Variants in HTR1E observed in about 807,000 individuals in gnomAD.
HTR1E encodes 5-HT-1E.
Under a neutral mutation model 3.4 loss-of-function variants are expected in HTR1E, and 3 were observed. That is an observed-to-expected ratio of 0.89 (90% confidence interval 0.41 to 2.31). The LOEUF (loss-of-function observed/expected upper bound fraction) is 2.31, where lower values mean the gene tolerates loss of function less well. Ranked by LOEUF, HTR1E falls within the 30% of genes most tolerant of loss-of-function variation. HTR1E has a pLI of 0.05. For missense variants in HTR1E, 392 were observed against 467.0 expected (o/e 0.84, Z 1.48); for synonymous variants, 170 against 182.8 (o/e 0.93, Z 0.56).
chr6:86,943,845 A>G (rs1404750739), intron 1 of HTR1E, among the ~76,000 whole-genome samples: 1 of 152,242 alleles, frequency 6.6e-6, no homozygotes, highest in Non-Finnish European at 1.5e-5. Flanking sequence ...GCTTAAAGCA[A>G]CAGATTTTTA....
chr6:86,941,076 T>C (rs999308705), intron 1 of HTR1E, among the ~76,000 whole-genome samples: 1 of 152,242 alleles, frequency 6.6e-6, no homozygotes, highest in South Asian at 2.1e-4. Context: ...GACTTACTTC[T>C]CTCTTGTTTT....
chr6:86,969,925 G>A (rs556527121), intron 1 of HTR1E, among the ~76,000 whole-genome samples: 2 of 152,314 alleles, frequency 1.3e-5, no homozygotes, highest in African/African-American at 2.4e-5. Context: ...AACAACGGGG[G>A]TCTACAGAGT....
At position 87,016,268 on chromosome 6, in the gene HTR1E, T is replaced by C; in HGVS notation, c.934T>C (p.Leu312=). The C allele has an allele frequency of 6.2e-7, 1 of 1,612,820 alleles. No individual in the cohort carries two copies. The highest frequency in any genetic ancestry group is 2.2e-5 in the East Asian group (1 of 44,800). ...LSWLPFFIKE[L]IVGLSIYTVS... ...CTGGCTGCCATTTTTCATCAAAGAG[T>C]TGATTGTGGGTCTGAGCATCTACAC... The change falls in exon 2 of 2, where the codon TTG becomes CTG. Residue 312 remains leucine (L), a synonymous_variant. Transcript: ENST00000305344.
In HTR1E at chr6:86,967,738, T is replaced by G. The variant is rs149206656; in HGVS notation, c.-186+29915T>G. On this transcript the variant is annotated intron_variant, in intron 1 of 1. Coordinates refer to ENST00000305344, the MANE Select transcript of HTR1E (RefSeq NM_000865.3). ...TTATAATAGTATTAATAATAGTTATTTCTTGTGTTCAGTGTTTTTTACATT... is the reference window on the plus strand; with the variant it reads ...TTATAATAGTATTAATAATAGTTATGTCTTGTGTTCAGTGTTTTTTACATT... 2.6e-5 allele frequency among the ~76,000 whole-genome samples: 4 copies of G among 152,318 alleles called. No homozygotes were observed. In the East Asian group the frequency reaches 7.7e-4, roughly 29 times the overall value.
At chr6:87,009,608 G>A in intron 1 of HTR1E, among the ~76,000 whole-genome samples, 1 of 148,930 alleles carries the variant, frequency 6.7e-6, no homozygotes, top group African/African-American at 2.5e-5. Context: ...TGGCCGGGCA[G>A]AGGGGCTCCT....
intron 1 of HTR1E, among the ~76,000 whole-genome samples, chr6:87,005,438 G>A (rs558153765): frequency 5.9e-5 from 9 of 152,098 alleles, no homozygotes; most frequent in South Asian, 2.1e-4. Context: ...AAATCCGTAC[G>A]TCTACCATGA....
intron 1 of HTR1E, among the ~76,000 whole-genome samples, chr6:86,976,458 A>G (rs936084258): frequency 6.6e-6 from 1 of 152,214 alleles, no homozygotes; most frequent in Non-Finnish European, 1.5e-5. Context: ...CTGTTGGTTC[A>G]TACACTTTTT....
At chr6:86,953,141 G>A (rs970549704) in intron 1 of HTR1E, among the ~76,000 whole-genome samples, 3 of 152,048 alleles carry the variant, frequency 2.0e-5, no homozygotes, top group Non-Finnish European at 2.9e-5. Flanking sequence ...TCTCTTAGTC[G>A]AGATCCTTTT....
intron 1 of HTR1E, among the ~76,000 whole-genome samples, chr6:86,957,985 C>T (rs535464835): frequency 2.2e-4 from 33 of 151,638 alleles, no homozygotes; most frequent in African/African-American, 8.0e-4. Flanking sequence ...TATATCCCCA[C>T]ACTATTTAAT....
intron 1 of HTR1E, among the ~76,000 whole-genome samples, chr6:87,008,104 T>C (rs1768145365): frequency 6.6e-6 from 1 of 152,154 alleles, no homozygotes; most frequent in Non-Finnish European, 1.5e-5. Flanking sequence ...TATAAAATGG[T>C]AATGTTTTCT....
chr6:87,010,796 C>T (rs374164933), intron 1 of HTR1E, among the ~76,000 whole-genome samples: 6 of 151,378 alleles, frequency 4.0e-5, no homozygotes, highest in South Asian at 2.1e-4. Context: ...CCAAGGCAGG[C>T]GGCTGCTCCT....
chr6:87,007,988 G>C (rs946561378), intron 1 of HTR1E, among the ~76,000 whole-genome samples: 1 of 151,852 alleles, frequency 6.6e-6, no homozygotes, highest in Non-Finnish European at 1.5e-5. Context: ...AAAATACAAA[G>C]GCAAACCACA....
At chr6:86,952,304 AGAAAAAAAGGGAGTTTG>A (rs1295046900) in intron 1 of HTR1E, among the ~76,000 whole-genome samples, 1 of 152,152 alleles carries the variant, frequency 6.6e-6, no homozygotes, top group African/African-American at 2.4e-5. Flanking sequence ...TCAAATTCCT[AGAAAAAAAGGGAGTTTG>A]GCCCAGCTAT....
rs73753615 is a variant in HTR1E at position 86,958,432 on chromosome 6, T to G, written c.-186+20609T>G. ...TCTAAAGTGCCCTCTCATCTTCCAG[T>G]CTGTTCCTGTTTCTGTTTTTTCCCT... On this transcript the variant is annotated intron_variant, in intron 1 of 1. Transcript: ENST00000305344. Among the ~76,000 whole-genome samples, 1,237 of 152,200 alleles carry G rather than the reference T, an allele frequency of 8.1e-3. 15 individuals carry two copies. The highest frequency in any genetic ancestry group is 0.028 in the African/African-American group (1,161 of 41,520).
intron 1 of HTR1E, among the ~76,000 whole-genome samples, chr6:87,013,288 C>G (rs1404639325): frequency 6.6e-6 from 1 of 152,170 alleles, no homozygotes; most frequent in Admixed American, 6.5e-5. Context: ...TAGAGTATCC[C>G]TGGAAATGAG....
chr6:86,983,276 T>G (rs1201071906), intron 1 of HTR1E, among the ~76,000 whole-genome samples: 2 of 152,120 alleles, frequency 1.3e-5, no homozygotes, highest in Admixed American at 1.3e-4. Flanking sequence ...TTCAAAGTGA[T>G]TATTTAAGAG....
At chr6:87,000,546 C>A (rs531214852) in intron 1 of HTR1E, among the ~76,000 whole-genome samples, 10 of 152,302 alleles carry the variant, frequency 6.6e-5, no homozygotes, top group African/African-American at 1.9e-4. Flanking sequence ...ATATCTCCAG[C>A]AGCAGACTTT....
At chr6:87,011,951 G>C (rs1768243763) in intron 1 of HTR1E, among the ~76,000 whole-genome samples, 2 of 152,164 alleles carry the variant, frequency 1.3e-5, no homozygotes, top group African/African-American at 4.8e-5. Flanking sequence ...AGATCCTGGG[G>C]GTCTAAGACT....
intron 1 of HTR1E, among the ~76,000 whole-genome samples, chr6:86,945,304 A>G (rs1768600483): frequency 6.6e-6 from 1 of 152,144 alleles, no homozygotes; most frequent in Non-Finnish European, 1.5e-5. Context: ...GTGCAGCAGC[A>G]CAATCTCACC....
Sources: gnomAD v4.1 joint callset for allele counts (sites outside exome capture counted in the v4.1 genomes callset) on GRCh38, gnomAD v4.1.1 for gene constraint, MANE v1.5 for transcripts, NCBI Gene and HGNC (gene_info 2026-07-23, HGNC 2026-07-21) for gene names.